Variants in DNAH11 observed in about 807,000 individuals in gnomAD.
DNAH11 encodes the protein axonemal beta dynein heavy chain 11.
A neutral mutation model predicts 526.0 loss-of-function variants in DNAH11; 442 were observed. The ratio of observed to expected loss-of-function variants is 0.84; its 90% CI spans 0.78 to 0.91. The LOEUF (loss-of-function observed/expected upper bound fraction) is 0.91. Ranked by LOEUF, DNAH11 falls within the 40% of genes least tolerant of loss-of-function variation. The pLI is 0.00. For synonymous variants in DNAH11, 2,461 were observed against 1,935.9 expected (o/e 1.27, Z -7.12); for missense variants, 6,989 against 5,448.7 (o/e 1.28, Z -8.90).
At chr7:21,602,401 T>C (rs555944081) in intron 18 of DNAH11, among the ~76,000 whole-genome samples, 5 of 152,188 alleles carry the variant, frequency 3.3e-5, no homozygotes, top group Non-Finnish European at 7.3e-5. Context: ...ATCACTGTGC[T>C]TTCTAAATAG....
Position 21,892,652 on chromosome 7 carries a change from G to A in DNAH11, c.12735G>A (p.Gln4245=), listed in dbSNP as rs1396708463. 1.9e-6 allele frequency: 3 copies of A among 1,604,734 alleles called. No homozygotes were observed. In the African/African-American group the frequency reaches 4.0e-5, roughly 21 times the overall value. Residue 4245 remains glutamine (Q), a synonymous_variant, in exon 77 of 82, where the codon CAG becomes CAA. Coordinates refer to ENST00000409508, the MANE Select transcript of DNAH11 (RefSeq NM_001277115.2). ...CACTCAGTGGTGATGAACTGGGGCA[G>A]TCTACAGAAGAAAAGGTAGAGGGTC... ...RNALSGDELG[Q]STEEKVKNVL... is the part of the protein sequence containing the mutation.
intron 2 of DNAH11, among the ~76,000 whole-genome samples, chr7:21,552,014 C>G (rs896312384): frequency 6.6e-6 from 1 of 152,194 alleles, no homozygotes; most frequent in Non-Finnish European, 1.5e-5. Context: ...CTCCTAGCAG[C>G]AGGGCTGTGG....
In DNAH11 at chr7:21,801,268, T is replaced by C. The variant is rs778649796; in HGVS notation, c.10158T>C (p.Leu3386=). The C allele has an allele frequency of 6.2e-7, 1 of 1,613,888 alleles. No homozygotes were observed. Among genetic ancestry groups the C allele is most frequent in the East Asian group, 2.2e-5 (1 of 44,872 alleles). Reference sequence around the variant, plus strand: ...TAGCTAACAGACTTGTCAAGGAACTTGAGGCAAGTTAAACCTTTTCTTCCA... The same window carrying C: ...TAGCTAACAGACTTGTCAAGGAACTCGAGGCAAGTTAAACCTTTTCTTCCA... ...IKLANRLVKE[L]EAKKIRWGQS... is the part of the protein sequence containing the mutation. Residue 3386 remains leucine (L), a synonymous_variant, in exon 62 of 82, where the codon CTT becomes CTC. Transcript: ENST00000409508.
At chr7:21,784,136 T>C (rs541310611) in intron 57 of DNAH11, among the ~76,000 whole-genome samples, 41 of 152,342 alleles carry the variant, frequency 2.7e-4, no homozygotes, top group Non-Finnish European at 5.3e-4. Flanking sequence ...TTAATCTTGC[T>C]TTTACTATTA....
At chr7:21,635,281 C>A (rs55896313) in intron 25 of DNAH11, among the ~76,000 whole-genome samples, 10,160 of 152,180 alleles carry the variant, frequency 0.067, 373 homozygotes, top group South Asian at 0.1. Flanking sequence ...CTCAGCCTCC[C>A]AGGTAGCTGG....
At chr7:21,870,831 A>C (rs1783468372) in intron 73 of DNAH11, among the ~76,000 whole-genome samples, 1 of 152,296 alleles carries the variant, frequency 6.6e-6, no homozygotes, top group African/African-American at 2.4e-5. Context: ...CAAGAATTTA[A>C]CTGTTTAAAC....
At chr7:21,869,042 C>T in intron 73 of DNAH11, 51 bp downstream of exon 73, 1 of 1,609,768 alleles carries the variant, frequency 6.2e-7, no homozygotes, top group Non-Finnish European at 8.5e-7. Flanking sequence ...AGAGGAGGGC[C>T]AGGGCAGAGC....
At position 21,725,833 on chromosome 7, in the gene DNAH11, T is replaced by G; in HGVS notation, c.7289T>G (p.Phe2430Cys). 1 of 1,612,046 alleles carries G rather than the reference T, an allele frequency of 6.2e-7. No individual in the cohort carries two copies. Among genetic ancestry groups the G allele is most frequent in the Non-Finnish European group, 8.5e-7 (1 of 1,179,026 alleles). The change falls in exon 45 of 82, where the codon TTC (phenylalanine) becomes TGC (cysteine). Residue 2430 changes from phenylalanine to cysteine, a missense_variant. By Grantham distance (205) the Phe-to-Cys change is radical. Coordinates refer to ENST00000409508, the MANE Select transcript of DNAH11 (RefSeq NM_001277115.2). Reference sequence around the variant, plus strand: ...TAGATTTCTGATTATCAAGCTGACTTCAGTCGGTGGTGGCAGAAAGAGATG... The same window carrying G: ...TAGATTTCTGATTATCAAGCTGACTGCAGTCGGTGGTGGCAGAAAGAGATG... ...QDQISDYQAD[F>C]SRWWQKEMKA...
intron 30 of DNAH11, among the ~76,000 whole-genome samples, chr7:21,660,042 T>C (rs1477820139): frequency 1.3e-5 from 2 of 152,138 alleles, no homozygotes; most frequent in Non-Finnish European, 2.9e-5. Context: ...TTCTATTTAA[T>C]AGGCTTGAAG....
chr7:21,846,652 C>T (rs575384118), intron 66 of DNAH11, among the ~76,000 whole-genome samples: 2 of 152,150 alleles, frequency 1.3e-5, no homozygotes, highest in East Asian at 1.9e-4. Context: ...TCAGAGATAT[C>T]GGTCCGTAGT....
At chr7:21,572,654 G>A (rs899016994) in intron 8 of DNAH11, among the ~76,000 whole-genome samples, 10 of 152,182 alleles carry the variant, frequency 6.6e-5, no homozygotes, top group Non-Finnish European at 1.3e-4. Context: ...TGTAATGTGA[G>A]TTTATTCACT....
intron 34 of DNAH11, among the ~76,000 whole-genome samples, chr7:21,688,218 C>G (rs997569867): frequency 1.3e-5 from 2 of 152,166 alleles, no homozygotes; most frequent in African/African-American, 4.8e-5. Context: ...TCCTACATCT[C>G]TCTCCCCTCA....
chr7:21,797,198 G>T (rs888781571), intron 61 of DNAH11, among the ~76,000 whole-genome samples: 1 of 151,998 alleles, frequency 6.6e-6, no homozygotes, highest in African/African-American at 2.4e-5. Flanking sequence ...TCATCTTGAT[G>T]ATTATATATT....
chr7:21,780,730 C>A (rs928500672), intron 57 of DNAH11, among the ~76,000 whole-genome samples: 1 of 152,092 alleles, frequency 6.6e-6, no homozygotes, highest in African/African-American at 2.4e-5. Context: ...TATGTTTAAT[C>A]CATACCAAGA....
chr7:21,758,028 G>C (rs1012798842), intron 54 of DNAH11, among the ~76,000 whole-genome samples: 50 of 152,172 alleles, frequency 3.3e-4, no homozygotes, highest in Admixed American at 8.5e-4. Flanking sequence ...CATCTCGACG[G>C]CTTCATCCAT....
intron 75 of DNAH11, among the ~76,000 whole-genome samples, chr7:21,881,393 C>G (rs1388708553): frequency 1.3e-5 from 2 of 152,144 alleles, no homozygotes; most frequent in Admixed American, 1.3e-4. Context: ...TTGTGACTTT[C>G]TCAGTAATGT....
At chr7:21,626,237 T>C (rs1004422484) in intron 25 of DNAH11, among the ~76,000 whole-genome samples, 5 of 152,190 alleles carry the variant, frequency 3.3e-5, no homozygotes, top group African/African-American at 1.2e-4. Flanking sequence ...GCTTGCCTTA[T>C]TTCACTTAAC....
intron 30 of DNAH11, among the ~76,000 whole-genome samples, chr7:21,661,560 T>G (rs1782243747): frequency 6.6e-6 from 1 of 152,132 alleles, no homozygotes; most frequent in Non-Finnish European, 1.5e-5. Context: ...CTGTCTTGTT[T>G]TGGGGGATAA....
At chr7:21,582,382 T>A (rs1019474341) in intron 9 of DNAH11, among the ~76,000 whole-genome samples, 1 of 152,212 alleles carries the variant, frequency 6.6e-6, no homozygotes, top group African/African-American at 2.4e-5. Flanking sequence ...TTGTTTAGAT[T>A]GTTAGGTTCA....
Sources: allele counts gnomAD v4.1 joint callset (sites outside exome capture counted in the v4.1 genomes callset), GRCh38; gene constraint gnomAD v4.1.1; transcripts MANE v1.5; gene names NCBI Gene and HGNC (gene_info 2026-07-23, HGNC 2026-07-21).